SLC35F3: variants seen among roughly 807,000 people sequenced by gnomAD.
SLC35F3 encodes solute carrier family 35 member F3, also known as putative thiamine transporter SLC35F3.
Under a neutral mutation model 49.9 loss-of-function variants are expected in SLC35F3, and 25 were observed. That is an observed-to-expected ratio of 0.50 (90% CI 0.37 to 0.70). The LOEUF (loss-of-function observed/expected upper bound fraction) is 0.70, where lower values mean the gene tolerates loss of function less well. Ranked by LOEUF, SLC35F3 falls within the 30% of genes least tolerant of loss-of-function variation. The pLI is 0.00. For synonymous variants in SLC35F3, 275 were observed against 265.4 expected, an observed-to-expected ratio of 1.04 and a Z score of -0.35; for missense variants, 525 against 639.8, an observed-to-expected ratio of 0.82 and a Z score of 1.94.
intron 2 of SLC35F3, among the ~76,000 whole-genome samples, chr1:233,954,568 C>T (rs1662663645): frequency 6.6e-6 from 1 of 152,208 alleles, no homozygotes; most frequent in Non-Finnish European, 1.5e-5. Flanking sequence ...CTAAGGGTGA[C>T]CCATGCAGTG....
chr1:233,923,256 G>A (rs1662098686), intron 2 of SLC35F3, among the ~76,000 whole-genome samples: 2 of 152,086 alleles, frequency 1.3e-5, no homozygotes, highest in Non-Finnish European at 2.9e-5. Flanking sequence ...CCATTTTCAT[G>A]ATATTGATTC....
At chr1:234,078,487 C>A (rs1010679555) in intron 2 of SLC35F3, among the ~76,000 whole-genome samples, 1 of 152,160 alleles carries the variant, frequency 6.6e-6, no homozygotes, top group African/African-American at 2.4e-5. Flanking sequence ...ACTCATCTTC[C>A]GCAACAGTCA....
At chr1:234,141,885 C>T (rs1395948574) in intron 2 of SLC35F3, among the ~76,000 whole-genome samples, 1 of 152,178 alleles carries the variant, frequency 6.6e-6, no homozygotes, top group East Asian at 1.9e-4. Flanking sequence ...GGCAGCCAGC[C>T]CTCCTCACTC....
chr1:234,168,664 G>A (rs1666353135), intron 2 of SLC35F3, among the ~76,000 whole-genome samples: 2 of 152,264 alleles, frequency 1.3e-5, no homozygotes, highest in Admixed American at 6.5e-5. Flanking sequence ...GAAATGCAGA[G>A]GTGAGGGTTC....
At chr1:234,319,095 T>C in intron 6 of SLC35F3, 152 bp downstream of exon 6, 1 of 696,296 alleles carries the variant, frequency 1.4e-6, no homozygotes, top group Non-Finnish European at 2.4e-6. Flanking sequence ...CAAAGTAGTC[T>C]TTGAAATGAT....
intron 2 of SLC35F3, among the ~76,000 whole-genome samples, chr1:234,164,129 CCTT>C (rs35482256): frequency 4.1e-4 from 62 of 151,300 alleles, no homozygotes; most frequent in Middle Eastern, 3.4e-3. Context: ...ACCTCTCTCT[CCTT>C]CTCTTTTTCT....
chr1:234,168,079 G>A (rs769913646), intron 2 of SLC35F3, among the ~76,000 whole-genome samples: 3 of 152,176 alleles, frequency 2.0e-5, no homozygotes, highest in Non-Finnish European at 4.4e-5. Flanking sequence ...GATAGGCCAG[G>A]TCAGGCCTGA....
chr1:234,234,697 C>T (rs989219989), intron 3 of SLC35F3, among the ~76,000 whole-genome samples: 2 of 152,068 alleles, frequency 1.3e-5, no homozygotes, highest in African/African-American at 4.8e-5. Flanking sequence ...AGAGGATGTT[C>T]GAGCCCTGGT....
intron 2 of SLC35F3, among the ~76,000 whole-genome samples, chr1:234,153,684 T>G (rs574332381): frequency 2.6e-5 from 4 of 152,268 alleles, no homozygotes; most frequent in South Asian, 4.2e-4. Flanking sequence ...CCCAGGATTT[T>G]GGGAGGCAGA....
At chr1:234,281,664 C>G (rs924595631) in intron 3 of SLC35F3, among the ~76,000 whole-genome samples, 1 of 152,186 alleles carries the variant, frequency 6.6e-6, no homozygotes, top group African/African-American at 2.4e-5. Context: ...ACAAAGTAGG[C>G]AGCTCAGTTT....
chr1:234,200,845 T>A (rs934172482), intron 2 of SLC35F3, among the ~76,000 whole-genome samples: 2 of 152,248 alleles, frequency 1.3e-5, no homozygotes, highest in African/African-American at 4.8e-5. Flanking sequence ...TCATTTTGGC[T>A]GTTTATGCAC....
At chr1:234,289,722 A>G (rs1041814543) in intron 3 of SLC35F3, among the ~76,000 whole-genome samples, 10 of 152,238 alleles carry the variant, frequency 6.6e-5, no homozygotes, top group African/African-American at 2.4e-4. Flanking sequence ...GGAAACACAT[A>G]CAGTCCCGGC....
chr1:234,243,994 C>T (rs774415011), intron 3 of SLC35F3, among the ~76,000 whole-genome samples: 8 of 152,194 alleles, frequency 5.3e-5, no homozygotes, highest in Non-Finnish European at 8.8e-5. Context: ...GGAGAAGGCT[C>T]ACCAACGGGT....
At chr1:234,150,960 G>A (rs1156926141) in intron 2 of SLC35F3, among the ~76,000 whole-genome samples, 1 of 152,160 alleles carries the variant, frequency 6.6e-6, no homozygotes, top group Non-Finnish European at 1.5e-5. Flanking sequence ...ACTTTAAGAA[G>A]CACGCTAAAA....
intron 2 of SLC35F3, among the ~76,000 whole-genome samples, chr1:234,059,092 T>C (rs1487806411): frequency 6.6e-6 from 1 of 152,182 alleles, no homozygotes; most frequent in East Asian, 1.9e-4. Context: ...TACTAAAAGT[T>C]TGTTAATTGT....
intron 2 of SLC35F3, among the ~76,000 whole-genome samples, chr1:234,003,317 C>G (rs1663581067): frequency 6.6e-6 from 1 of 152,156 alleles, no homozygotes; most frequent in Admixed American, 6.5e-5. Flanking sequence ...TGTTATGTCA[C>G]TTTTACAGAT....
chr1:234,045,751 T>C (rs189719640), intron 2 of SLC35F3, among the ~76,000 whole-genome samples: 71 of 152,146 alleles, frequency 4.7e-4, no homozygotes, highest in African/African-American at 1.7e-3. Context: ...CAGATACAAT[T>C]GTGACCTTCT....
At chr1:234,279,587 A>G (rs1293392589) in intron 3 of SLC35F3, among the ~76,000 whole-genome samples, 1 of 152,094 alleles carries the variant, frequency 6.6e-6, no homozygotes, top group Admixed American at 6.6e-5. Context: ...GTTCAAACAG[A>G]CCTTCACAGA....
intron 2 of SLC35F3, among the ~76,000 whole-genome samples, chr1:234,184,131 GT>G (rs544965680): frequency 0.019 from 2,733 of 145,278 alleles, 65 homozygotes; most frequent in African/African-American, 0.064. Flanking sequence ...ATGGAACACA[GT>G]TTTTTTAAAA....
Sources: allele counts gnomAD v4.1 joint callset (sites outside exome capture counted in the v4.1 genomes callset), GRCh38; gene constraint gnomAD v4.1.1; transcripts MANE v1.5; gene names NCBI Gene and HGNC (gene_info 2026-07-23, HGNC 2026-07-21).